The following MTREX variants were observed in gnomAD, a reference collection of about 807,000 sequenced individuals.
MTREX encodes the protein Mtr4 exosome RNA helicase, also known as exosome RNA helicase MTR4.
In MTREX, 76 loss-of-function variants were observed where a neutral mutation model predicts 135.4. The ratio of observed to expected loss-of-function variants is 0.56; its 90% CI spans 0.47 to 0.68. The LOEUF (loss-of-function observed/expected upper bound fraction) is 0.68. Among genes scored for constraint, MTREX ranks in the 30% least tolerant of loss-of-function variants. The pLI, the probability that MTREX is intolerant of heterozygous loss-of-function variation, is 0.00. For synonymous variants in MTREX, 404 were observed against 401.6 expected (o/e 1.01, Z -0.07); for missense variants, 920 against 1,262.1 (o/e 0.73, Z 4.11).
At chr5:55,328,882 G>A in intron 5 of MTREX, 71 bp downstream of exon 5, 2 of 940,494 alleles carry the variant, frequency 2.1e-6, no homozygotes, top group Non-Finnish European at 3.3e-6. Context: ...TTTGCTGTTT[G>A]ATTTCTGCTA....
chr5:55,362,083 ATTTTTTT>A (rs35074192), intron 15 of MTREX, among the ~76,000 whole-genome samples: 31 of 111,154 alleles, frequency 2.8e-4, no homozygotes, highest in East Asian at 3.0e-4. Flanking sequence ...CGTCTGGCTA[ATTTTTTT>A]TTTTTTTTTT....
rs924346276 is a variant in MTREX, at chr5:55,354,620, G to A, written c.1533+1351G>A. 3.3e-5 allele frequency among the ~76,000 whole-genome samples: 5 copies of A among 152,042 alleles called. 1 individual carries two copies. Among genetic ancestry groups the A allele is most frequent in the Admixed American group, 3.3e-4 (5 of 15,268 alleles). ...TCTACAAAAGAGGAATACGAGTATG[G>A]TGAGGCAGTGACATTTCTGGGCCAG... On this transcript the variant is annotated intron_variant, in intron 14 of 26. Coordinates refer to ENST00000230640, the MANE Select transcript of MTREX (RefSeq NM_015360.5).
At chr5:55,312,278 T>G (rs1429320541) in intron 1 of MTREX, among the ~76,000 whole-genome samples, 2 of 152,252 alleles carry the variant, frequency 1.3e-5, no homozygotes, top group African/African-American at 4.8e-5. Flanking sequence ...GCTTGATCCT[T>G]TAACAATTTT....
In MTREX at chr5:55,347,026, T is replaced by G; in HGVS notation, c.1122T>G (p.Val374=). ...CTGTTTTTGCAGGACCATCAAATGTTTTCAAAATTGTGAAGATGATTATGG... is the reference window on the plus strand; with the variant it reads ...CTGTTTTTGCAGGACCATCAAATGTGTTCAAAATTGTGAAGATGATTATGG... The part of the protein sequence containing the change: ...RKGGTKGPSN[V]FKIVKMIMER... Residue 374 remains valine (V), a synonymous_variant, in exon 11 of 27, where the codon GTT becomes GTG. Coordinates refer to ENST00000230640, the MANE Select transcript of MTREX (RefSeq NM_015360.5). 6.2e-7 allele frequency: 1 copy of G among 1,608,544 alleles called. No individual in the cohort carries two copies. The highest frequency in any genetic ancestry group is 8.5e-7 in the Non-Finnish European group (1 of 1,178,292).
At chr5:55,317,424 A>G (rs1397752493) in intron 1 of MTREX, among the ~76,000 whole-genome samples, 1 of 152,232 alleles carries the variant, frequency 6.6e-6, no homozygotes, top group Non-Finnish European at 1.5e-5. Flanking sequence ...TACTGGTACA[A>G]AAACAGGCAC....
At chr5:55,417,848 G>A (rs1327221099) in intron 25 of MTREX, among the ~76,000 whole-genome samples, 1 of 152,142 alleles carries the variant, frequency 6.6e-6, no homozygotes, top group Non-Finnish European at 1.5e-5. Context: ...TGAAAAGTCA[G>A]AACACAATGA....
chr5:55,372,142 G>T (rs887771387), intron 16 of MTREX, among the ~76,000 whole-genome samples: 4 of 152,122 alleles, frequency 2.6e-5, no homozygotes, highest in African/African-American at 4.8e-5. Context: ...TCAGTGTGCA[G>T]TCTCCATTTT....
At chr5:55,369,634 C>A (rs1750162649) in intron 16 of MTREX, among the ~76,000 whole-genome samples, 1 of 152,176 alleles carries the variant, frequency 6.6e-6, no homozygotes, top group Non-Finnish European at 1.5e-5. Context: ...CTACTGCTCA[C>A]TCAATGAACT....
At chr5:55,412,715 A>G (rs528050957) in intron 23 of MTREX, among the ~76,000 whole-genome samples, 29 of 152,342 alleles carry the variant, frequency 1.9e-4, no homozygotes, top group Middle Eastern at 3.4e-3. Flanking sequence ...TAAAATCACA[A>G]TTAACCTCCT....
rs532651232 is a variant in MTREX at position 55,408,549 on chromosome 5, A to G, written c.2646-1975A>G. Among the ~76,000 whole-genome samples the G allele has an allele frequency of 3.3e-5, 5 of 152,352 alleles. No homozygotes were observed. In the South Asian group the frequency reaches 1.0e-3, roughly 32 times the overall value. On this transcript the variant is annotated intron_variant, in intron 22 of 26. Transcript: ENST00000230640. ...ATTTTAACTGTTAGTAAAGATTATA[A>G]TAGTTCATGGCTTTATTCTTTTTTA...
intron 5 of MTREX, among the ~76,000 whole-genome samples, chr5:55,333,381 A>G (rs887065007): frequency 2.0e-5 from 3 of 152,190 alleles, no homozygotes; most frequent in Admixed American, 6.6e-5. Context: ...ACAGGTATAG[A>G]AGAAGAGATT....
chr5:55,344,644 A>C, intron 9 of MTREX, 24 bp downstream of exon 9: 1 of 1,343,162 alleles, frequency 7.4e-7, no homozygotes, highest in East Asian at 2.3e-5. Flanking sequence ...TGTCCTTTTT[A>C]AATCTATAAT....
chr5:55,408,740 T>C (rs1034404417), intron 22 of MTREX, among the ~76,000 whole-genome samples: 2 of 152,054 alleles, frequency 1.3e-5, no homozygotes, highest in African/African-American at 4.8e-5. Context: ...TTTTTCATTT[T>C]CCACCCAAGA....
At chr5:55,390,486 G>T (rs184274618) in intron 19 of MTREX, among the ~76,000 whole-genome samples, 100 of 152,294 alleles carry the variant, frequency 6.6e-4, no homozygotes, top group African/African-American at 2.3e-3. Flanking sequence ...GAGTGTGTGT[G>T]TGTCTGTGTG....
At chr5:55,351,775 A>T (rs1348227751) in intron 13 of MTREX, among the ~76,000 whole-genome samples, 2 of 152,246 alleles carry the variant, frequency 1.3e-5, no homozygotes, top group African/African-American at 4.8e-5. Context: ...TATTTATACC[A>T]AGAAATGGGA....
At chr5:55,339,734 T>A (rs1314480370) in intron 5 of MTREX, among the ~76,000 whole-genome samples, 1 of 152,182 alleles carries the variant, frequency 6.6e-6, no homozygotes, top group Non-Finnish European at 1.5e-5. Flanking sequence ...GAACCAAAGG[T>A]GTTTTCCTTG....
chr5:55,341,452 G>A (rs1292991901), intron 6 of MTREX, among the ~76,000 whole-genome samples: 1 of 152,002 alleles, frequency 6.6e-6, no homozygotes, highest in East Asian at 1.9e-4. Context: ...CATTTACTTT[G>A]CTTTTTATGA....
intron 1 of MTREX, among the ~76,000 whole-genome samples, chr5:55,315,478 T>G (rs1749183208): frequency 6.6e-6 from 1 of 152,184 alleles, no homozygotes; most frequent in South Asian, 2.1e-4. Flanking sequence ...ATTGCCCAGA[T>G]AGTCTAAAAT....
intron 15 of MTREX, among the ~76,000 whole-genome samples, chr5:55,366,382 C>T (rs1477130172): frequency 6.6e-6 from 1 of 152,064 alleles, no homozygotes; most frequent in Non-Finnish European, 1.5e-5. Context: ...CACGGCTGCT[C>T]AGGAGGCTAA....
Sources: gnomAD v4.1 joint callset for allele counts (sites outside exome capture counted in the v4.1 genomes callset) on GRCh38, gnomAD v4.1.1 for gene constraint, MANE v1.5 for transcripts, NCBI Gene and HGNC (gene_info 2026-07-23, HGNC 2026-07-21) for gene names.